Variants in GRK7 observed in about 807,000 individuals in gnomAD.
GRK7 encodes rhodopsin kinase GRK7.
In GRK7, 24 loss-of-function variants were observed where a neutral mutation model predicts 34.1. The observed-to-expected ratio is 0.70, with a 90% CI of 0.51 to 0.99. GRK7 has a LOEUF of 0.99. Ranked by LOEUF, GRK7 falls within the 50% of genes least tolerant of loss-of-function variation. The probability of loss-of-function intolerance (pLI) is 0.00; values close to 1 mark genes in which losing one functional copy is unlikely to be tolerated. For missense variants in GRK7, 644 were observed against 707.3 expected (o/e 0.91, Z 1.02); for synonymous variants, 256 against 279.4 (o/e 0.92, Z 0.84).
chr3:141,762,868 C>T (rs1553733524), upstream of GRK7, among the ~76,000 whole-genome samples: 2 of 152,210 alleles, frequency 1.3e-5, no homozygotes, highest in East Asian at 1.9e-4. Flanking sequence ...GCGCAATATT[C>T]GGGTGGGAGT....
At chr3:141,784,708 T>A (rs527727153) in intron 4 of GRK7, among the ~76,000 whole-genome samples, 1 of 152,300 alleles carries the variant, frequency 6.6e-6, no homozygotes, top group African/African-American at 2.4e-5. Flanking sequence ...AGATACTGTG[T>A]TAGAGAATTA....
the GRK7 span, among the ~76,000 whole-genome samples, chr3:141,753,183 T>C: frequency 2.0e-5 from 3 of 152,248 alleles, no homozygotes; most frequent in African/African-American, 7.2e-5. Flanking sequence ...AAATACCTTC[T>C]CTGAACCTAT....
At chr3:141,798,258 C>T (rs1278409200) in intron 4 of GRK7, among the ~76,000 whole-genome samples, 4 of 152,188 alleles carry the variant, frequency 2.6e-5, no homozygotes, top group African/African-American at 7.2e-5. Context: ...AAGGACTTCC[C>T]GCTGCCCCTG....
intron 4 of GRK7, among the ~76,000 whole-genome samples, chr3:141,806,351 T>G (rs1053913055): frequency 1.3e-5 from 2 of 151,962 alleles, no homozygotes; most frequent in Non-Finnish European, 2.9e-5. Context: ...TCACTTGAGG[T>G]CAGGGGTTCA....
chr3:141,773,636 G>A (rs1390343146), intron 1 of GRK7, among the ~76,000 whole-genome samples: 6 of 152,046 alleles, frequency 3.9e-5, no homozygotes, highest in East Asian at 3.9e-4. Flanking sequence ...GGATGGTCTC[G>A]ATCTCCTGAC....
chr3:141,774,779 GATTATT>G (rs72103272), intron 2 of GRK7, among the ~76,000 whole-genome samples, 99 bp downstream of exon 2: 28,543 of 147,620 alleles, frequency 0.19, 2,975 homozygotes, highest in Non-Finnish European at 0.24. Context: ...TCACCAGTCA[GATTATT>G]ATTATTATTA....
chr3:141,817,239 G>A lies in GRK7; in HGVS notation c.*189G>A. ...TTTCTTTTTCTTTCTTCATAAAGAT[G>A]AGTAAAGTCTCAGTTTTCACTGAGG... On this transcript the variant is annotated 3_prime_UTR_variant, in exon 6 of 6. Transcript: ENST00000682958. 1 of 501,486 alleles carries A rather than the reference G, an allele frequency of 2.0e-6. No individual in the cohort carries two copies. The highest frequency in any genetic ancestry group is 3.5e-6 in the Non-Finnish European group (1 of 287,462). 31.1% of individuals were successfully genotyped at this position (501,486 alleles called of 1,614,324 possible).
At position 141,819,303 on chromosome 3, in the gene GRK7, A is replaced by T. The variant is rs1403951613; in HGVS notation, c.*2253A>T. Among the ~76,000 whole-genome samples the T allele has an allele frequency of 6.6e-6, 1 of 152,242 alleles. No homozygotes were observed. On this transcript the variant is annotated 3_prime_UTR_variant, in exon 6 of 6. Transcript: ENST00000682958. ...GATAAATATCTCAGTTTTTAAAAGG[A>T]CAAAAAATTTGGAGAGATAAAAAAA... is the stretch of plus-strand genomic sequence containing the variant.
chr3:141,765,603 A>G lies in GRK7; in HGVS notation c.-350A>G, dbSNP rs2107869976. Among the ~76,000 whole-genome samples, 1 of 152,088 alleles carries G rather than the reference A, an allele frequency of 6.6e-6. No individual in the cohort carries two copies. The highest frequency in any genetic ancestry group is 2.1e-4 in the South Asian group (1 of 4,818). Reference sequence around the variant, plus strand: ...GCTTCTGCCTTCACCCTTTTGGAAAACTGCTCTGAGGCCATCATGCTTTGA... The same window carrying G: ...GCTTCTGCCTTCACCCTTTTGGAAAGCTGCTCTGAGGCCATCATGCTTTGA... On this transcript the variant is annotated 5_prime_UTR_variant, in exon 1 of 6. Transcript: ENST00000682958.
At chr3:141,784,540 G>C (rs894074892) in intron 4 of GRK7, among the ~76,000 whole-genome samples, 2 of 152,102 alleles carry the variant, frequency 1.3e-5, no homozygotes, top group Non-Finnish European at 2.9e-5. Flanking sequence ...ACACAGCTAA[G>C]TAAACCCCCT....
chr3:141,809,357 T>G (rs1018672604), intron 5 of GRK7, among the ~76,000 whole-genome samples: 9 of 152,188 alleles, frequency 5.9e-5, no homozygotes, highest in African/African-American at 2.2e-4. Flanking sequence ...TGCCAACTGT[T>G]AAAATTGAAG....
chr3:141,780,807 A>G lies in GRK7; in HGVS notation c.1046A>G (p.Gln349Arg). The change falls in exon 4 of 6, where the codon CAG (glutamine) becomes CGG (arginine). Residue 349 changes from glutamine (Q) to arginine (R), a missense_variant. Coordinates refer to ENST00000682958, the MANE Select transcript of GRK7 (RefSeq NM_139209.3). ...ATGAAGGGTGGCAAGCCCATCACCC[A>G]GAGGGTGAGTGACTCTCCACCTGCC... Reference protein sequence around the residue: ...VEMKGGKPITQRAGTNGYMAP... With the variant: ...VEMKGGKPITRRAGTNGYMAP... The G allele has an allele frequency of 6.2e-7, 1 of 1,611,284 alleles. No homozygotes were observed. Among genetic ancestry groups the G allele is most frequent in the South Asian group, 1.1e-5 (1 of 90,808 alleles).
chr3:141,800,442 G>A (rs145245196), intron 4 of GRK7, among the ~76,000 whole-genome samples: 323 of 144,266 alleles, frequency 2.2e-3, no homozygotes, highest in African/African-American at 7.6e-3. Flanking sequence ...AACAATCAGA[G>A]GAAAAGAACT....
intron 4 of GRK7, among the ~76,000 whole-genome samples, chr3:141,782,267 C>T (rs2084675373): frequency 6.6e-6 from 1 of 152,078 alleles, no homozygotes; most frequent in African/African-American, 2.4e-5. Flanking sequence ...GGGGTCTGTA[C>T]AGGACAGTGG....
intron 1 of GRK7, among the ~76,000 whole-genome samples, chr3:141,767,246 G>A (rs537694243): frequency 1.3e-4 from 20 of 152,226 alleles, no homozygotes; most frequent in African/African-American, 4.8e-4. Context: ...ATGTAAGGAA[G>A]GTCAGGCTTC....
At chr3:141,763,197 T>C (rs567134566), upstream of GRK7, among the ~76,000 whole-genome samples, 1 of 152,316 alleles carries the variant, frequency 6.6e-6, no homozygotes, top group African/African-American at 2.4e-5. Flanking sequence ...ATTCTTCCCA[T>C]ACCTCATGCT....
chr3:141,768,205 G>A lies in GRK7; in HGVS notation c.-215+2467G>A, dbSNP rs562651281. On this transcript the variant is annotated intron_variant, in intron 1 of 5. Coordinates refer to ENST00000682958, the MANE Select transcript of GRK7 (RefSeq NM_139209.3). ...TGTGCTGTCTGGAGAGCTGCCCTTC[G>A]TCCTAAGGCCAATCCTTCCCCTTAT... Among the ~76,000 whole-genome samples the A allele has an allele frequency of 2.5e-4, 37 of 150,964 alleles. 1 individual carries two copies. The highest frequency in any genetic ancestry group is 9.9e-4 in the Admixed American group (15 of 15,208).
intron 4 of GRK7, among the ~76,000 whole-genome samples, chr3:141,804,560 AACAC>A (rs1187223718): frequency 6.6e-6 from 1 of 151,140 alleles, no homozygotes; most frequent in African/African-American, 2.4e-5. Context: ...ACACTCACAT[AACAC>A]ACACATACAC....
At chr3:141,768,659 T>TGGCCA (rs1369456173) in intron 1 of GRK7, among the ~76,000 whole-genome samples, 3 of 152,042 alleles carry the variant, frequency 2.0e-5, no homozygotes, top group African/African-American at 7.2e-5. Context: ...CTCCCCATCA[T>TGGCCA]ATGTCTCTCC....
Sources: gnomAD v4.1 joint callset for allele counts (sites outside exome capture counted in the v4.1 genomes callset) on GRCh38, gnomAD v4.1.1 for gene constraint, MANE v1.5 for transcripts, NCBI Gene and HGNC (gene_info 2026-07-23, HGNC 2026-07-21) for gene names.